Variants in BET1 observed in about 807,000 individuals in gnomAD.
BET1 encodes BET1 homolog.
A neutral mutation model predicts 13.9 loss-of-function variants in BET1; 9 were observed. That is an observed-to-expected ratio of 0.65 (90% CI 0.39 to 1.13). BET1 has a LOEUF of 1.13. Ranked by LOEUF, BET1 falls within the 50% of genes most tolerant of loss-of-function variation. BET1 has a pLI of 0.01. For synonymous variants in BET1, 39 were observed against 47.3 expected, an observed-to-expected ratio of 0.82 and a Z score of 0.72; for missense variants, 127 against 133.6, an observed-to-expected ratio of 0.95 and a Z score of 0.24.
At chr7:93,984,517 G>A (rs1795489397) in intron 4 of BET1, among the ~76,000 whole-genome samples, 1 of 152,012 alleles carries the variant, frequency 6.6e-6, no homozygotes, top group African/African-American at 2.4e-5. Flanking sequence ...TTCTACTGAA[G>A]AAGGCCACTT....
chr7:93,980,815 A>C (rs1381822086), intron 4 of BET1, among the ~76,000 whole-genome samples: 1 of 152,216 alleles, frequency 6.6e-6, no homozygotes, highest in Non-Finnish European at 1.5e-5. Flanking sequence ...AGAAAGGAAG[A>C]AGTAAAACTG....
At position 94,004,278 on chromosome 7, in the gene BET1, G is replaced by C. The variant is rs1795980792; in HGVS notation, c.-62C>G. 6.2e-7 allele frequency: 1 copy of C among 1,610,902 alleles called. No individual in the cohort carries two copies. The highest frequency in any genetic ancestry group is 1.7e-5 in the Admixed American group (1 of 59,974). On this transcript the variant is annotated 5_prime_UTR_variant, in exon 1 of 4. Coordinates refer to ENST00000222547, the MANE Select transcript of BET1 (RefSeq NM_005868.6). ...CTTTGGGTGAGTAGGAAACAGCTAGGGGCGACCCGGACCGCGTCTTCAGTA... is the reference window on the plus strand; with the variant it reads ...CTTTGGGTGAGTAGGAAACAGCTAGCGGCGACCCGGACCGCGTCTTCAGTA...
chr7:93,998,444 A>C (rs2116132968), intron 2 of BET1, among the ~76,000 whole-genome samples: 1 of 152,274 alleles, frequency 6.6e-6, no homozygotes, highest in East Asian at 1.9e-4. Context: ...CACACCTATA[A>C]TCCCAGCACT....
downstream of BET1, among the ~76,000 whole-genome samples, chr7:93,988,433 AG>A (rs898724229): frequency 6.6e-6 from 1 of 152,216 alleles, no homozygotes; most frequent in African/African-American, 2.4e-5. Context: ...CTACAGTTTA[AG>A]ATGGATGTAT....
chr7:93,979,215 C>G (rs1795387795), intron 4 of BET1, among the ~76,000 whole-genome samples: 1 of 152,038 alleles, frequency 6.6e-6, no homozygotes, highest in Non-Finnish European at 1.5e-5. Flanking sequence ...ACACACACAA[C>G]TAGGGAATGT....
At chr7:93,975,408 A>G (rs1274932479) in intron 5 of BET1, among the ~76,000 whole-genome samples, 1 of 152,120 alleles carries the variant, frequency 6.6e-6, no homozygotes, top group Admixed American at 6.6e-5. Context: ...GTGAAAGTGC[A>G]GACGATTTTT....
intron 4 of BET1, among the ~76,000 whole-genome samples, chr7:93,976,624 T>C (rs1795341246): frequency 6.6e-6 from 1 of 152,152 alleles, no homozygotes; most frequent in Non-Finnish European, 1.5e-5. Context: ...TTTTGCCTCA[T>C]ATTTCATCTC....
intron 1 of BET1, chr7:94,000,255 C>A (rs1795869545): frequency 6.6e-6 from 1 of 151,646 alleles, no homozygotes; most frequent in Non-Finnish European, 1.5e-5. Flanking sequence ...CAGGTGCCCG[C>A]CATCACACCT....
chr7:94,000,031 G>A (rs1795861592), intron 1 of BET1, among the ~76,000 whole-genome samples: 1 of 152,006 alleles, frequency 6.6e-6, no homozygotes, highest in Non-Finnish European at 1.5e-5. Flanking sequence ...GATGGAGTGG[G>A]CCTTAGTGAA....
At chr7:93,996,518 G>A (rs1304424552) in intron 2 of BET1, among the ~76,000 whole-genome samples, 197 bp from the exon 3 acceptor site, 1 of 151,634 alleles carries the variant, frequency 6.6e-6, no homozygotes, top group African/African-American at 2.4e-5. Flanking sequence ...TCCCAATTAT[G>A]GACATTTCTT....
chr7:93,992,165 A>C (rs1365844735), downstream of BET1: 2 of 985,314 alleles, frequency 2.0e-6, no homozygotes, highest in African/African-American at 3.5e-5. Flanking sequence ...ACAAAATGCC[A>C]GGTAGAGACC....
rs757797050 is a variant in BET1, at chr7:93,994,128, CCA to C, written c.*100_*101del. ...ATTCAGCAATTTTCAATGGAAAATG[CCA>C]CAGTATTTGAACACTAGGAATGTTT... On this transcript the variant is annotated 3_prime_UTR_variant, in exon 4 of 4. Coordinates refer to ENST00000222547, the MANE Select transcript of BET1 (RefSeq NM_005868.6). 6.6e-4 allele frequency: 966 copies of C among 1,469,472 alleles called. 1 individual carries two copies. The highest frequency in any genetic ancestry group is 8.1e-4 in the Non-Finnish European group (904 of 1,115,710). The allele number at this position is 1,469,472 out of a possible 1,614,324, so 91.0% of individuals were successfully genotyped here. A position where few individuals can be genotyped will look rare whatever the true frequency, so the allele number is the denominator to read the frequency against.
intron 4 of BET1, among the ~76,000 whole-genome samples, chr7:93,978,231 G>A (rs147329191): frequency 6.6e-6 from 1 of 152,154 alleles, no homozygotes; most frequent in African/African-American, 2.4e-5. Context: ...CATGATGCCC[G>A]GTTAATTTTG....
At chr7:93,970,085 A>C (rs1795234854) in intron 6 of BET1, among the ~76,000 whole-genome samples, 1 of 151,836 alleles carries the variant, frequency 6.6e-6, no homozygotes, top group South Asian at 2.1e-4. Flanking sequence ...ACAATACTTC[A>C]TACAAAATGT....
chr7:93,984,440 G>A (rs888923075), intron 4 of BET1, among the ~76,000 whole-genome samples: 2 of 152,116 alleles, frequency 1.3e-5, no homozygotes, highest in African/African-American at 4.8e-5. Flanking sequence ...AAACCTTTTA[G>A]TACTGTTACA....
rs573958558 is a variant in BET1 at position 93,999,432 on chromosome 7, T to A, written c.20-138A>T. 1.6e-4 allele frequency: 172 copies of A among 1,105,680 alleles called. No individual in the cohort carries two copies. In the East Asian group the frequency reaches 4.7e-3, roughly 30 times the overall value. 68.5% of individuals were successfully genotyped at this position (1,105,680 alleles called of 1,614,324 possible). On this transcript the variant is annotated intron_variant, in intron 1 of 3. Coordinates refer to ENST00000222547, the MANE Select transcript of BET1 (RefSeq NM_005868.6). ...CTAATATTCATACTCCAAATGAATT[T>A]AAAAAATAAATAACCAAACAGAGAT... is the stretch of plus-strand genomic sequence containing the variant.
chr7:93,976,798 C>A (rs1442792391), intron 4 of BET1, among the ~76,000 whole-genome samples: 4 of 152,008 alleles, frequency 2.6e-5, no homozygotes, highest in African/African-American at 9.7e-5. Context: ...TACACTGTAC[C>A]CAATGTGTAG....
intron 4 of BET1, among the ~76,000 whole-genome samples, chr7:93,985,299 G>C (rs1325918403): frequency 6.6e-6 from 1 of 152,164 alleles, no homozygotes; most frequent in African/African-American, 2.4e-5. Context: ...GAGACAGACT[G>C]CCTGAATTCC....
At chr7:93,968,065 G>T (rs1051104595) in intron 6 of BET1, among the ~76,000 whole-genome samples, 2 of 151,614 alleles carry the variant, frequency 1.3e-5, no homozygotes, top group African/African-American at 2.4e-5. Flanking sequence ...ATTTCAATTT[G>T]GTTATGAGCT....
Sources: gnomAD v4.1 joint callset for allele counts (sites outside exome capture counted in the v4.1 genomes callset) on GRCh38, gnomAD v4.1.1 for gene constraint, MANE v1.5 for transcripts, NCBI Gene and HGNC (gene_info 2026-07-23, HGNC 2026-07-21) for gene names.